MAP3K7: variants seen among roughly 807,000 people sequenced by gnomAD.
MAP3K7 encodes the protein TGF-beta activated kinase 1.
Under a neutral mutation model 84.8 loss-of-function variants are expected in MAP3K7, and 21 were observed. That is an observed-to-expected ratio of 0.25 (90% CI 0.18 to 0.36). The LOEUF (loss-of-function observed/expected upper bound fraction) is 0.36. Ranked by LOEUF, MAP3K7 falls within the 10% of genes least tolerant of loss-of-function variation. The probability of loss-of-function intolerance (pLI) is 1.00; values close to 1 mark genes in which losing one functional copy is unlikely to be tolerated. For missense variants in MAP3K7, 503 were observed against 747.7 expected (o/e 0.67, Z 3.82); for synonymous variants, 241 against 247.7 (o/e 0.97, Z 0.25).
rs145302165 is a variant in MAP3K7 at position 90,550,745 on chromosome 6, T to C, written c.868-196A>G. On this transcript the variant is annotated intron_variant, in intron 8 of 16. Transcript: ENST00000369329. ...CACCTACCTAAGAATCTAGCTTACA[T>C]TGGAGTCTAGATAGTCTTGAAGAAA... 8.1e-4 allele frequency: 362 copies of C among 449,056 alleles called. 1 individual carries two copies. The highest frequency in any genetic ancestry group is 3.9e-3 in the African/African-American group (199 of 50,394). 27.8% of individuals were successfully genotyped at this position (449,056 alleles called of 1,614,324 possible).
In MAP3K7 at chr6:90,568,607, C is replaced by A; in HGVS notation, c.248G>T (p.Arg83Leu). ...CTTTACAATATTAGGATGGTTCACACGGGATAACTGCCGAAGCTGTTAAGA... is the reference window on the plus strand; with the variant it reads ...CTTTACAATATTAGGATGGTTCACAAGGGATAACTGCCGAAGCTGTTAAGA... ...AFIVELRQLSRVNHPNIVKLY... is the reference protein window; with the variant it reads ...AFIVELRQLSLVNHPNIVKLY... Residue 83 changes from arginine (R) to leucine (L), a missense_variant, in exon 3 of 17, where the codon CGT becomes CTT. Physicochemically the swap from Arg to Leu is moderately radical, Grantham distance 102 (BLOSUM62 -2). Around this residue, in one of 5 missense-constraint regions of MAP3K7, gnomAD observed 97 missense variants for 270.8 expected, o/e 0.36. Coordinates refer to ENST00000369329, the MANE Select transcript of MAP3K7 (RefSeq NM_145331.3). The A allele has an allele frequency of 6.2e-7, 1 of 1,608,210 alleles. No individual in the cohort carries two copies. The highest frequency in any genetic ancestry group is 8.5e-7 in the Non-Finnish European group (1 of 1,178,478).
At chr6:90,554,704 CA>C (rs1332347690) in intron 6 of MAP3K7, among the ~76,000 whole-genome samples, 1 of 152,110 alleles carries the variant, frequency 6.6e-6, no homozygotes, top group Non-Finnish European at 1.5e-5. Flanking sequence ...TTTGTATAAA[CA>C]AATCTTTTTG....
intron 5 of MAP3K7, among the ~76,000 whole-genome samples, chr6:90,557,612 C>G (rs1776376370): frequency 6.6e-6 from 1 of 152,148 alleles, no homozygotes; most frequent in African/African-American, 2.4e-5. Flanking sequence ...AACTCTTACA[C>G]TTTTTACCCA....
intron 6 of MAP3K7, among the ~76,000 whole-genome samples, chr6:90,555,253 C>T (rs1216272933): frequency 6.6e-6 from 1 of 151,828 alleles, no homozygotes; most frequent in Non-Finnish European, 1.5e-5. Context: ...TGTCCAATTA[C>T]TTGCATTCTT....
chr6:90,565,009 A>G (rs566037648), intron 3 of MAP3K7, among the ~76,000 whole-genome samples: 2 of 152,334 alleles, frequency 1.3e-5, no homozygotes, highest in African/African-American at 4.8e-5. Context: ...TTTGAAACCA[A>G]TGAGAAGAAA....
At chr6:90,543,073 G>C (rs2127969047) in intron 12 of MAP3K7, among the ~76,000 whole-genome samples, 1 of 130,836 alleles carries the variant, frequency 7.6e-6, no homozygotes, top group Admixed American at 7.8e-5. Flanking sequence ...AAACATTTAA[G>C]GGAAGCACAG....
chr6:90,553,959 A>T (rs1033549707), intron 6 of MAP3K7, among the ~76,000 whole-genome samples: 3 of 152,180 alleles, frequency 2.0e-5, no homozygotes, highest in Non-Finnish European at 4.4e-5. Flanking sequence ...TTATTCTGAG[A>T]CAGGATCTCA....
At chr6:90,574,026 C>A (rs1389857633) in intron 1 of MAP3K7, among the ~76,000 whole-genome samples, 2 of 152,180 alleles carry the variant, frequency 1.3e-5, no homozygotes. Context: ...AGAGCACACC[C>A]AGGCTCTGAA....
chr6:90,527,124 T>C (rs966183456), intron 13 of MAP3K7, among the ~76,000 whole-genome samples: 2 of 152,168 alleles, frequency 1.3e-5, no homozygotes, highest in African/African-American at 4.8e-5. Flanking sequence ...ATTCCATTAA[T>C]AAAATTAATC....
chr6:90,547,205 G>A, intron 11 of MAP3K7, 53 bp downstream of exon 11: 2 of 1,590,410 alleles, frequency 1.3e-6, no homozygotes, highest in Admixed American at 1.8e-5. Context: ...AACTACCATG[G>A]CCAAAAAGGC....
chr6:90,548,097 T>C lies in MAP3K7; in HGVS notation c.1030A>G (p.Thr344Ala). ...NMEQVPATND[T>A]IKRLESKLLK... ...AATTTTGATTCTAAGCGCTTAATAGTATCATTTGTGGCAGGAACTTGCTCC... is the reference window on the plus strand; with the variant it reads ...AATTTTGATTCTAAGCGCTTAATAGCATCATTTGTGGCAGGAACTTGCTCC... The change falls in exon 10 of 17, where the codon ACT becomes GCT. Residue 344 changes from threonine (T) to alanine (A), a missense_variant. By Grantham distance (58) the Thr-to-Ala change is moderately conservative. Coordinates refer to ENST00000369329, the MANE Select transcript of MAP3K7 (RefSeq NM_145331.3). 6.2e-7 allele frequency: 1 copy of C among 1,612,146 alleles called. No homozygotes were observed. Among genetic ancestry groups the C allele is most frequent in the Non-Finnish European group, 8.5e-7 (1 of 1,178,834 alleles).
intron 1 of MAP3K7, among the ~76,000 whole-genome samples, chr6:90,572,402 T>G (rs1776935466): frequency 6.6e-6 from 1 of 151,530 alleles, no homozygotes; most frequent in East Asian, 1.9e-4. Flanking sequence ...CCAAAAACAT[T>G]ATGCTAAGTC....
At chr6:90,563,885 T>C (rs778760961) in intron 3 of MAP3K7, among the ~76,000 whole-genome samples, 14 of 152,202 alleles carry the variant, frequency 9.2e-5, no homozygotes, top group Non-Finnish European at 1.9e-4. Context: ...AGAAACTCTA[T>C]AAGCCAGAAG....
intron 14 of MAP3K7, among the ~76,000 whole-genome samples, chr6:90,519,520 A>C (rs1370244507): frequency 6.6e-6 from 1 of 152,026 alleles, no homozygotes; most frequent in South Asian, 2.1e-4. Flanking sequence ...ATTAGAATGC[A>C]ATTATATTCT....
chr6:90,524,011 G>A (rs992315569), intron 13 of MAP3K7, among the ~76,000 whole-genome samples: 1 of 152,100 alleles, frequency 6.6e-6, no homozygotes, highest in African/African-American at 2.4e-5. Flanking sequence ...TCTGAGATTA[G>A]AAACAAAACA....
chr6:90,573,572 T>A (rs1342469060), intron 1 of MAP3K7, among the ~76,000 whole-genome samples: 1 of 152,230 alleles, frequency 6.6e-6, no homozygotes, highest in African/African-American at 2.4e-5. Context: ...ATTTATTGAA[T>A]GTTTACTATG....
chr6:90,563,906 C>T (rs1776608902), intron 3 of MAP3K7, among the ~76,000 whole-genome samples: 1 of 152,066 alleles, frequency 6.6e-6, no homozygotes, highest in South Asian at 2.1e-4. Context: ...AGAGTGGGGG[C>T]CAATAGTCAA....
At chr6:90,576,448 C>G (rs1448532715) in intron 1 of MAP3K7, among the ~76,000 whole-genome samples, 1 of 150,948 alleles carries the variant, frequency 6.6e-6, no homozygotes, top group Non-Finnish European at 1.5e-5. Flanking sequence ...CACACACACA[C>G]ACACACACAC....
chr6:90,579,204 G>A (rs1777185729), intron 1 of MAP3K7, among the ~76,000 whole-genome samples: 2 of 152,132 alleles, frequency 1.3e-5, no homozygotes, highest in African/African-American at 2.4e-5. Context: ...GATTATATTC[G>A]AATCAGATTT....
Sources: allele counts gnomAD v4.1 joint callset (sites outside exome capture counted in the v4.1 genomes callset), GRCh38; gene constraint gnomAD v4.1.1; regional missense constraint gnomAD v4.1.1; transcripts MANE v1.5; gene names NCBI Gene and HGNC (gene_info 2026-07-23, HGNC 2026-07-21).